Variants in WWOX observed in about 807,000 individuals in gnomAD.
The protein encoded by WWOX is WW domain containing oxidoreductase.
Under a neutral mutation model 46.2 loss-of-function variants are expected in WWOX, and 69 were observed. That is an observed-to-expected ratio of 1.49 (90% CI 1.23 to 1.82). The LOEUF (loss-of-function observed/expected upper bound fraction) is 1.82. Ranked by LOEUF, WWOX falls within the 40% of genes most tolerant of loss-of-function variation. The pLI is 0.00. For missense variants in WWOX, 919 were observed against 542.6 expected (o/e 1.69, Z -6.89); for synonymous variants, 359 against 202.6 (o/e 1.77, Z -6.56).
intron 8 of WWOX, among the ~76,000 whole-genome samples, chr16:78,589,982 G>T (rs932833991): frequency 1.3e-5 from 2 of 152,148 alleles, no homozygotes; most frequent in African/African-American, 4.8e-5. Context: ...TTTACCTGAA[G>T]GCTATGGTCA....
At chr16:78,883,266 A>T (rs1163686919) in intron 8 of WWOX, among the ~76,000 whole-genome samples, 1 of 151,850 alleles carries the variant, frequency 6.6e-6, no homozygotes, top group African/African-American at 2.4e-5. Context: ...ACCCATCTGG[A>T]CCCTCTCTCT....
chr16:78,975,490 C>G (rs1038121518), intron 8 of WWOX, among the ~76,000 whole-genome samples: 5 of 151,918 alleles, frequency 3.3e-5, no homozygotes, highest in Non-Finnish European at 7.4e-5. Flanking sequence ...CCCCCTCCCC[C>G]AGGAGCCTTT....
chr16:79,027,448 C>T (rs115669220), intron 8 of WWOX, among the ~76,000 whole-genome samples: 1,708 of 151,728 alleles, frequency 0.011, 96 homozygotes, highest in African/African-American at 0.04. Context: ...TCCCATTTTA[C>T]ACCCTGTTTA....
intron 8 of WWOX, among the ~76,000 whole-genome samples, chr16:78,731,582 C>T (rs8052934): frequency 0.16 from 24,386 of 151,802 alleles, 2,498 homozygotes; most frequent in African/African-American, 0.28. Context: ...TTTATTTGGG[C>T]TTTTTCGGTT....
intron 8 of WWOX, among the ~76,000 whole-genome samples, chr16:78,661,251 G>C (rs1273176931): frequency 1.3e-5 from 2 of 152,162 alleles, no homozygotes; most frequent in Non-Finnish European, 2.9e-5. Flanking sequence ...ATCTCCAGCA[G>C]CAGCAACAGA....
At chr16:78,925,652 A>T (rs1255177952) in intron 8 of WWOX, among the ~76,000 whole-genome samples, 1 of 152,190 alleles carries the variant, frequency 6.6e-6, no homozygotes, top group East Asian at 1.9e-4. Context: ...TCTTTTCCTC[A>T]ATGAGAACCA....
intron 8 of WWOX, among the ~76,000 whole-genome samples, chr16:78,812,038 G>A (rs1260932102): frequency 1.3e-5 from 2 of 151,896 alleles, no homozygotes. Flanking sequence ...CCTCATCATT[G>A]TTTACCCTCT....
chr16:78,501,200 T>C lies in WWOX; in HGVS notation c.1056+68448T>C, dbSNP rs1188348360. ...TTCTCTCTCTTTCTTTCTCTTTTTT[T>C]TTTTTTGAAAAACTTTTTTGGAGCA... On this transcript the variant is annotated intron_variant, in intron 8 of 8. Coordinates refer to ENST00000566780, the MANE Select transcript of WWOX (RefSeq NM_016373.4). Among the ~76,000 whole-genome samples, 10 of 147,670 alleles carry C rather than the reference T, an allele frequency of 6.8e-5. 1 individual carries two copies. The highest frequency in any genetic ancestry group is 1.4e-4 in the Admixed American group (2 of 14,694).
chr16:78,946,696 T>C (rs1417034109), intron 8 of WWOX, among the ~76,000 whole-genome samples: 1 of 151,908 alleles, frequency 6.6e-6, no homozygotes, highest in Non-Finnish European at 1.5e-5. Context: ...TGGAAAACTG[T>C]GTGGTGCGTC....
intron 8 of WWOX, among the ~76,000 whole-genome samples, chr16:78,802,202 G>GTTTTTT (rs60554747): frequency 1.0e-5 from 1 of 96,762 alleles, no homozygotes; most frequent in African/African-American, 3.8e-5. Context: ...GTTTGTTTAG[G>GTTTTTT]TTTTTTTTTT....
intron 8 of WWOX, among the ~76,000 whole-genome samples, chr16:78,720,126 TACTG>T (rs1354630729): frequency 6.6e-6 from 1 of 152,208 alleles, no homozygotes; most frequent in Non-Finnish European, 1.5e-5. Context: ...TTCTTGGTCT[TACTG>T]ACAATATTCC....
chr16:78,371,256 A>G (rs1405723949), intron 5 of WWOX, among the ~76,000 whole-genome samples: 2 of 152,160 alleles, frequency 1.3e-5, no homozygotes, highest in South Asian at 2.1e-4. Context: ...CTTCCTAGCT[A>G]TGACTCTCTA....
intron 8 of WWOX, among the ~76,000 whole-genome samples, chr16:79,189,393 G>T (rs1047341293): frequency 5.3e-5 from 8 of 151,302 alleles, no homozygotes; most frequent in Non-Finnish European, 7.4e-5. Flanking sequence ...GAGTAGCTGG[G>T]ACTACAGGCA....
In WWOX at chr16:78,581,080, A is replaced by G. The variant is rs187168211; in HGVS notation, c.1056+148328A>G. On this transcript the variant is annotated intron_variant, in intron 8 of 8. Transcript: ENST00000566780. Reference sequence around the variant, plus strand: ...GAGTGGTTGATTTTTTTTTTAATCTAAGAGCTTTCTTGGTTATTTTCTGTT... The same window carrying G: ...GAGTGGTTGATTTTTTTTTTAATCTGAGAGCTTTCTTGGTTATTTTCTGTT... 1.1e-4 allele frequency among the ~76,000 whole-genome samples: 17 copies of G among 152,248 alleles called. No individual in the cohort carries two copies. The South Asian group carries it at 2.1e-3, about 19-fold the overall frequency.
intron 5 of WWOX, among the ~76,000 whole-genome samples, chr16:78,337,025 C>T (rs1243346295): frequency 3.3e-5 from 5 of 152,148 alleles, no homozygotes; most frequent in Non-Finnish European, 5.9e-5. Context: ...ACGTGATCCA[C>T]CCGCCTTGGC....
At chr16:78,643,145 A>G (rs1190185495) in intron 8 of WWOX, among the ~76,000 whole-genome samples, 1 of 152,188 alleles carries the variant, frequency 6.6e-6, no homozygotes, top group African/African-American at 2.4e-5. Context: ...ATCCAGACCC[A>G]AGAGGATCCG....
At chr16:79,038,908 G>C (rs571364983) in intron 8 of WWOX, among the ~76,000 whole-genome samples, 42 of 152,270 alleles carry the variant, frequency 2.8e-4, no homozygotes, top group African/African-American at 9.4e-4. Flanking sequence ...AGCATACATA[G>C]AGGATAACTT....
In WWOX at chr16:78,599,731, A is replaced by G. The variant is rs1249510814; in HGVS notation, c.1056+166979A>G. On this transcript the variant is annotated intron_variant, in intron 8 of 8. Coordinates refer to ENST00000566780, the MANE Select transcript of WWOX (RefSeq NM_016373.4). ...TGTGTTTAGGAAGTGGGGTGTGGGC[A>G]ACAGAGGGAGAATTGTTACCCCCGG... is the stretch of plus-strand genomic sequence containing the variant. 5.3e-5 allele frequency among the ~76,000 whole-genome samples: 8 copies of G among 152,112 alleles called. No homozygotes were observed. The East Asian group carries it at 1.5e-3, about 29-fold the overall frequency.
chr16:78,419,129 G>C (rs1298880609), intron 6 of WWOX, among the ~76,000 whole-genome samples: 5 of 152,144 alleles, frequency 3.3e-5, no homozygotes, highest in East Asian at 1.9e-4. Context: ...ATATGCGTAA[G>C]TCAATTGTAT....
Sources: gnomAD v4.1 joint callset for allele counts (sites outside exome capture counted in the v4.1 genomes callset) on GRCh38, gnomAD v4.1.1 for gene constraint, MANE v1.5 for transcripts, NCBI Gene and HGNC (gene_info 2026-07-23, HGNC 2026-07-21) for gene names.